Variants in HMGCLL1 observed in about 807,000 individuals in gnomAD.
The protein encoded by HMGCLL1 is 3-hydroxymethyl-3-methylglutaryl-CoA lyase, cytoplasmic.
A neutral mutation model predicts 39.1 loss-of-function variants in HMGCLL1; 36 were observed. That is an observed-to-expected ratio of 0.92 (90% confidence interval 0.71 to 1.22). The LOEUF (loss-of-function observed/expected upper bound fraction) is 1.22, where lower values mean the gene tolerates loss of function less well. Among genes scored for constraint, HMGCLL1 ranks in the 50% most tolerant of loss-of-function variants. The probability of loss-of-function intolerance (pLI) is 0.00; values close to 1 mark genes in which losing one functional copy is unlikely to be tolerated. For missense variants in HMGCLL1, 451 were observed against 416.5 expected (o/e 1.08, Z -0.72); for synonymous variants, 149 against 144.0 (o/e 1.03, Z -0.25).
At chr6:55,563,133 A>C (rs1771036428) in intron 1 of HMGCLL1, among the ~76,000 whole-genome samples, 1 of 152,118 alleles carries the variant, frequency 6.6e-6, no homozygotes, top group Non-Finnish European at 1.5e-5. Flanking sequence ...TTACAAGAAC[A>C]AGTCTATAAG....
chr6:55,510,241 T>C (rs1173651203), intron 5 of HMGCLL1, among the ~76,000 whole-genome samples: 1 of 151,968 alleles, frequency 6.6e-6, no homozygotes, highest in African/African-American at 2.4e-5. Context: ...ATAGGAGAAG[T>C]ATAAGATGTA....
chr6:55,656,280 A>C, the HMGCLL1 span, among the ~76,000 whole-genome samples: 1 of 151,990 alleles, frequency 6.6e-6, no homozygotes, highest in Non-Finnish European at 1.5e-5. Context: ...AAGTTTCTCC[A>C]GGTCTGAATT....
the HMGCLL1 span, among the ~76,000 whole-genome samples, chr6:55,597,813 C>T: frequency 2.6e-5 from 4 of 152,072 alleles, no homozygotes; most frequent in East Asian, 7.7e-4. Flanking sequence ...AAGTAAATCA[C>T]TTTAAACTGA....
At chr6:55,617,580 GA>G in the HMGCLL1 span, among the ~76,000 whole-genome samples, 4 of 152,062 alleles carry the variant, frequency 2.6e-5, no homozygotes, top group African/African-American at 4.8e-5. Flanking sequence ...AGTTAAGGTG[GA>G]AGCTTTTACA....
chr6:55,534,609 A>G (rs1285862824), intron 3 of HMGCLL1, among the ~76,000 whole-genome samples: 1 of 152,204 alleles, frequency 6.6e-6, no homozygotes, highest in Non-Finnish European at 1.5e-5. Context: ...AGAGGTGGAC[A>G]GCAAGCCTGC....
At chr6:55,516,751 GA>G (rs1476610084) in intron 3 of HMGCLL1, 148 bp from the exon 4 acceptor site, 4 of 487,814 alleles carry the variant, frequency 8.2e-6, no homozygotes, top group African/African-American at 7.6e-5. Context: ...GAATGTAAAG[GA>G]AAGTAGTTCT....
the HMGCLL1 span, among the ~76,000 whole-genome samples, chr6:55,663,125 AC>A: frequency 1.3e-3 from 190 of 151,290 alleles, no homozygotes; most frequent in Non-Finnish European, 2.3e-3. Flanking sequence ...TTAAAAAAAA[AC>A]ATACTCCTGA....
At chr6:55,597,069 A>G in the HMGCLL1 span, among the ~76,000 whole-genome samples, 1 of 123,176 alleles carries the variant, frequency 8.1e-6, no homozygotes, top group Non-Finnish European at 1.8e-5. Flanking sequence ...AAATATGTGT[A>G]TCATTCGCTT....
At chr6:55,591,748 A>G in the HMGCLL1 span, among the ~76,000 whole-genome samples, 1 of 150,676 alleles carries the variant, frequency 6.6e-6, no homozygotes, top group Non-Finnish European at 1.5e-5. Flanking sequence ...CAGAGTTCCC[A>G]TGGAAGTACA....
chr6:55,502,730 T>C (rs9370432), intron 5 of HMGCLL1, among the ~76,000 whole-genome samples: 101,106 of 149,746 alleles, frequency 0.68, 34,204 homozygotes, highest in Non-Finnish European at 0.7. Flanking sequence ...TTTTTTTGCT[T>C]GCATTGTGAA....
chr6:55,464,492 C>T (rs1472433013), intron 7 of HMGCLL1, among the ~76,000 whole-genome samples: 2 of 152,102 alleles, frequency 1.3e-5, no homozygotes, highest in Non-Finnish European at 2.9e-5. Flanking sequence ...CCAAGTTCTC[C>T]AAAACACAAG....
At chr6:55,535,695 T>A (rs1411172012) in intron 3 of HMGCLL1, among the ~76,000 whole-genome samples, 1 of 152,156 alleles carries the variant, frequency 6.6e-6, no homozygotes, top group Non-Finnish European at 1.5e-5. Context: ...GTGATCTTGG[T>A]AAATTTCACC....
At chr6:55,585,361 T>A in the HMGCLL1 span, among the ~76,000 whole-genome samples, 1 of 152,264 alleles carries the variant, frequency 6.6e-6, no homozygotes, top group East Asian at 1.9e-4. Flanking sequence ...GTTCGTTAAC[T>A]AGTTTTACTT....
At chr6:55,543,589 TATATATA>T (rs1561951890) in intron 1 of HMGCLL1, among the ~76,000 whole-genome samples, 5 of 77,390 alleles carry the variant, frequency 6.5e-5, no homozygotes, top group South Asian at 6.9e-4. Flanking sequence ...TATATTTATA[TATATATA>T]TTTTTTTGCC....
At chr6:55,631,566 A>G in the HMGCLL1 span, among the ~76,000 whole-genome samples, 3 of 152,096 alleles carry the variant, frequency 2.0e-5, no homozygotes, top group African/African-American at 7.2e-5. Flanking sequence ...TACGACTCCC[A>G]GCAATATTTG....
the HMGCLL1 span, among the ~76,000 whole-genome samples, chr6:55,669,111 G>A: frequency 8.1e-6 from 1 of 123,628 alleles, no homozygotes; most frequent in South Asian, 2.6e-4. Context: ...AGAGAAGGAG[G>A]AATTAAAAAA....
chr6:55,624,649 T>C, the HMGCLL1 span, among the ~76,000 whole-genome samples: 1 of 152,262 alleles, frequency 6.6e-6, no homozygotes, highest in East Asian at 1.9e-4. Flanking sequence ...ACACTGGACT[T>C]ATTGGTGAGA....
In HMGCLL1 at chr6:55,542,094, TCTA is replaced by T. The variant is rs780702325; in HGVS notation, c.152_154del (p.Val51del). On this transcript the variant is annotated inframe_deletion, in exon 2 of 9. Transcript: ENST00000274901. ...CTGCAATCCATCCCTAGGCCCAACT[TCTA>T]CTATTTTAACAAACTCAGGGAGTCC... 1.1e-5 allele frequency: 17 copies of T among 1,610,976 alleles called. No homozygotes were observed. In the Admixed American group the frequency reaches 2.3e-4, roughly 22 times the overall value.
chr6:55,469,048 T>C (rs1764914083), intron 7 of HMGCLL1, among the ~76,000 whole-genome samples: 1 of 151,724 alleles, frequency 6.6e-6, no homozygotes, highest in South Asian at 2.1e-4. Flanking sequence ...CTTCACTAAT[T>C]AGTTTTCTGA....
Sources: allele counts gnomAD v4.1 joint callset (sites outside exome capture counted in the v4.1 genomes callset), GRCh38; gene constraint gnomAD v4.1.1; transcripts MANE v1.5; gene names NCBI Gene and HGNC (gene_info 2026-07-23, HGNC 2026-07-21).